Variants in ATP5PF observed in about 807,000 individuals in gnomAD.
ATP5PF encodes ATP synthase peripheral stalk subunit F6, mitochondrial.
ATP5PF carries 7 observed loss-of-function variants against 12.0 expected under a neutral mutation model. That is an observed-to-expected ratio of 0.58 (90% confidence interval 0.33 to 1.10). The LOEUF is 1.10. ATP5PF is among the 50% of genes least tolerant of loss of function. The probability of loss-of-function intolerance (pLI) is 0.03; values close to 1 mark genes in which losing one functional copy is unlikely to be tolerated. For synonymous variants in ATP5PF, 41 were observed against 45.4 expected, an observed-to-expected ratio of 0.90 and a Z score of 0.39; for missense variants, 120 against 127.7, an observed-to-expected ratio of 0.94 and a Z score of 0.29.
chr21:25,729,567 T>A (rs1372880456), intron 2 of ATP5PF, 64 bp downstream of exon 2: 2 of 1,420,274 alleles, frequency 1.4e-6, no homozygotes, highest in African/African-American at 3.0e-5. Flanking sequence ...TCATTTTTAT[T>A]ACCACCTTGA....
Position 25,734,879 on chromosome 21 carries a change from G to GCCTCCGCCGCCACCA in ATP5PF, c.-49_-35dup. On this transcript the variant is annotated 5_prime_UTR_variant, in exon 1 of 4. Coordinates refer to ENST00000284971, the MANE Select transcript of ATP5PF (RefSeq NM_001003703.2). ...TTGCACTCAGTCCCGAGCTGCCAAAGCCTCCGCCGCCACCACCTCCGCTCT... is the reference window on the plus strand; with the variant it reads ...TTGCACTCAGTCCCGAGCTGCCAAAGCCTCCGCCGCCACCACCTCCGCCGCCACCACCTCCGCTCT... The GCCTCCGCCGCCACCA allele has an allele frequency of 1.3e-6, 2 of 1,548,110 alleles. No individual in the cohort carries two copies. Among genetic ancestry groups the GCCTCCGCCGCCACCA allele is most frequent in the Non-Finnish European group, 1.7e-6 (2 of 1,149,692 alleles).
At chr21:25,727,150 G>A (rs1198984534) in intron 2 of ATP5PF, among the ~76,000 whole-genome samples, 1 of 152,166 alleles carries the variant, frequency 6.6e-6, no homozygotes, top group Non-Finnish European at 1.5e-5. Flanking sequence ...AATTTGAATA[G>A]TCTCATGGAT....
intron 1 of ATP5PF, among the ~76,000 whole-genome samples, chr21:25,730,752 A>C (rs2034748263): frequency 1.7e-5 from 2 of 116,502 alleles, no homozygotes; most frequent in Admixed American, 1.9e-4. Context: ...AAAAAAAAAA[A>C]AAAAAAAAAA....
upstream of ATP5PF, chr21:25,734,931 ACGCCTACC>A (rs1568933296): frequency 1.3e-6 from 2 of 1,572,144 alleles, no homozygotes; most frequent in Admixed American, 3.7e-5. Flanking sequence ...CCGCCCCCAC[ACGCCTACC>A]CGCCATCGCA....
intron 1 of ATP5PF, chr21:25,734,468 C>G (rs941120014): frequency 2.4e-6 from 2 of 821,888 alleles, no homozygotes; most frequent in African/African-American, 1.9e-5. Flanking sequence ...AATTTTTTCC[C>G]TCTTAATGGT....
chr21:25,726,122 A>C (rs1047966880), intron 2 of ATP5PF, among the ~76,000 whole-genome samples: 2 of 152,220 alleles, frequency 1.3e-5, no homozygotes, highest in Non-Finnish European at 2.9e-5. Context: ...CGTACCTCTA[A>C]GCACAGTGCC....
intron 1 of ATP5PF, 125 bp downstream of exon 1, chr21:25,734,728 A>T: frequency 1.0e-6 from 1 of 980,000 alleles, no homozygotes; most frequent in Non-Finnish European, 1.5e-6. Flanking sequence ...CCAGGCCGTG[A>T]AGGTCCCCAG....
Position 25,729,737 on chromosome 21 carries a change from G to A in ATP5PF, c.58C>T (p.His20Tyr), listed in dbSNP as rs1422827044. Residue 20 changes from histidine to tyrosine, a missense_variant, in exon 2 of 4, where the codon CAT becomes TAT. By Grantham distance (83) the His-to-Tyr change is moderately conservative (BLOSUM62 2). Transcript: ENST00000284971. The stretch of plus-strand genomic sequence containing the variant: ...GTAACACCAATGTTCCTCCGCAAAT[G>A]GACTGAGACGGCTGACCGAATGACA... Reference protein sequence around the residue: ...SSVIRSAVSVHLRRNIGVTAV... With the variant: ...SSVIRSAVSVYLRRNIGVTAV... 6.2e-7 allele frequency: 1 copy of A among 1,613,832 alleles called. No individual in the cohort carries two copies. The highest frequency in any genetic ancestry group is 8.5e-7 in the Non-Finnish European group (1 of 1,179,982).
At position 25,734,834 on chromosome 21, in the gene ATP5PF, T is replaced by A; in HGVS notation, c.-8+19A>T. The A allele has an allele frequency of 6.5e-7, 1 of 1,532,682 alleles. No individual in the cohort carries two copies. The highest frequency in any genetic ancestry group is 1.2e-5 in the South Asian group (1 of 83,794). 94.9% of individuals were successfully genotyped at this position (1,532,682 alleles called of 1,614,324 possible). On this transcript the variant is annotated intron_variant, in intron 1 of 3. Coordinates refer to ENST00000284971, the MANE Select transcript of ATP5PF (RefSeq NM_001003703.2). ...GGAGTCCCAAAAGGCCACGCTGATCTAGCTACCCTCCCAGTCACCTTGCAC... is the reference window on the plus strand; with the variant it reads ...GGAGTCCCAAAAGGCCACGCTGATCAAGCTACCCTCCCAGTCACCTTGCAC...
At chr21:25,733,923 T>C (rs2034896263) in intron 1 of ATP5PF, among the ~76,000 whole-genome samples, 1 of 152,218 alleles carries the variant, frequency 6.6e-6, no homozygotes, top group Non-Finnish European at 1.5e-5. Context: ...TGTAAGTGCC[T>C]ATGATTCCCC....
At chr21:25,733,694 C>T (rs1320282631) in intron 1 of ATP5PF, among the ~76,000 whole-genome samples, 1 of 152,214 alleles carries the variant, frequency 6.6e-6, no homozygotes, top group Non-Finnish European at 1.5e-5. Context: ...AGATACTGTG[C>T]AAAGTACTTC....
intron 1 of ATP5PF, among the ~76,000 whole-genome samples, chr21:25,733,477 A>C (rs1407897239): frequency 6.6e-6 from 1 of 152,138 alleles, no homozygotes; most frequent in Non-Finnish European, 1.5e-5. Context: ...GAGTGAGCAG[A>C]GATCGTGCCA....
chr21:25,731,111 G>T (rs1401269954), intron 1 of ATP5PF, among the ~76,000 whole-genome samples: 1 of 151,996 alleles, frequency 6.6e-6, no homozygotes, highest in African/African-American at 2.4e-5. Context: ...GCGTGCTAGC[G>T]CGTGCCTGTA....
intron 3 of ATP5PF, 92 bp downstream of exon 3, chr21:25,725,130 GTCAA>G (rs1255942888): frequency 2.5e-5 from 37 of 1,472,734 alleles, no homozygotes; most frequent in Non-Finnish European, 2.4e-5. Context: ...AAATTCACAT[GTCAA>G]CACTGTCATT....
At chr21:25,734,522 G>T (rs1004136045) in intron 1 of ATP5PF, 1 of 578,528 alleles carries the variant, frequency 1.7e-6, no homozygotes, top group Non-Finnish European at 2.3e-6. Flanking sequence ...TGCGCCCGGG[G>T]CGGGTAGGCC....
Position 25,724,660 on chromosome 21 carries a change from T to G in ATP5PF, c.307A>C (p.Ile103Leu). ...FKFEDPKFEV[I>L]EKPQA ...TTTCTTCAGGCCTGGGGTTTTTCGA[T>G]GACTTCAAATTTGGGATCTAAGAAG... The change falls in exon 4 of 4, where the codon ATC becomes CTC. Residue 103 changes from isoleucine (I) to leucine (L), a missense_variant. By Grantham distance (5) the Ile-to-Leu change is conservative. Transcript: ENST00000284971. The G allele has an allele frequency of 6.3e-7, 1 of 1,595,708 alleles. No individual in the cohort carries two copies. The highest frequency in any genetic ancestry group is 1.1e-5 in the South Asian group (1 of 87,072).
In ATP5PF at chr21:25,725,990, T is replaced by C. The variant is rs116419928; in HGVS notation, c.165-640A>G. ...AGGCTCTGGAGTCAAAGACTGGTCCTGTTTGAGTGTAAGTTCAACTATTCA... is the reference window on the plus strand; with the variant it reads ...AGGCTCTGGAGTCAAAGACTGGTCCCGTTTGAGTGTAAGTTCAACTATTCA... On this transcript the variant is annotated intron_variant, in intron 2 of 3. Coordinates refer to ENST00000284971, the MANE Select transcript of ATP5PF (RefSeq NM_001003703.2). Among the ~76,000 whole-genome samples the C allele has an allele frequency of 8.9e-3, 1,348 of 152,300 alleles. 21 individuals carry two copies. Among genetic ancestry groups the C allele is most frequent in the African/African-American group, 0.031 (1,288 of 41,550 alleles).
intron 1 of ATP5PF, chr21:25,734,320 A>C: frequency 1.0e-6 from 1 of 986,222 alleles, no homozygotes; most frequent in South Asian, 4.6e-5. Context: ...TTCTATTTAT[A>C]GTGATGACTG....
rs549584909 is a variant in ATP5PF at position 25,733,325 on chromosome 21, C to T, written c.-8+1528G>A. On this transcript the variant is annotated intron_variant, in intron 1 of 3. Coordinates refer to ENST00000284971, the MANE Select transcript of ATP5PF (RefSeq NM_001003703.2). Reference sequence around the variant, plus strand: ...CGGGCAGATCACGAGGTCAGGAGATCGAGACCATCCTGGCTAACACGGTGA... The same window carrying T: ...CGGGCAGATCACGAGGTCAGGAGATTGAGACCATCCTGGCTAACACGGTGA... 9.2e-5 allele frequency among the ~76,000 whole-genome samples: 14 copies of T among 152,118 alleles called. No homozygotes were observed. The East Asian group carries it at 2.7e-3, about 30-fold the overall frequency.
Sources: gnomAD v4.1 joint callset for allele counts (sites outside exome capture counted in the v4.1 genomes callset) on GRCh38, gnomAD v4.1.1 for gene constraint, MANE v1.5 for transcripts, NCBI Gene and HGNC (gene_info 2026-07-23, HGNC 2026-07-21) for gene names.